MFSD1: variants seen among roughly 807,000 people sequenced by gnomAD.
MFSD1 encodes the protein lysosomal dipeptide transporter MFSD1.
Under a neutral mutation model 67.1 loss-of-function variants are expected in MFSD1, and 59 were observed. That is an observed-to-expected ratio of 0.88 (90% CI 0.71 to 1.09). The LOEUF (loss-of-function observed/expected upper bound fraction) is 1.09. MFSD1 is among the 50% of genes least tolerant of loss of function. The pLI is 0.00. For synonymous variants in MFSD1, 213 were observed against 200.3 expected, an observed-to-expected ratio of 1.06 and a Z score of -0.54; for missense variants, 552 against 566.1, an observed-to-expected ratio of 0.97 and a Z score of 0.25.
intron 3 of MFSD1, among the ~76,000 whole-genome samples, chr3:158,805,971 A>G (rs1340680604): frequency 6.6e-6 from 1 of 152,142 alleles, no homozygotes; most frequent in African/African-American, 2.4e-5. Context: ...TGGGGTGTAA[A>G]ACATTTTGTG....
At chr3:158,804,464 G>T in intron 2 of MFSD1, 93 bp downstream of exon 2, 1 of 920,216 alleles carries the variant, frequency 1.1e-6, no homozygotes, top group Non-Finnish European at 1.7e-6. Context: ...CTAGTCTCAC[G>T]TGTCCGCTGA....
At chr3:158,809,438 C>T in intron 6 of MFSD1, 151 bp downstream of exon 6, 1 of 529,560 alleles carries the variant, frequency 1.9e-6, no homozygotes, top group Non-Finnish European at 3.3e-6. Context: ...ATGGCATTTA[C>T]CTTGAGTAAA....
chr3:158,819,657 A>C lies in MFSD1; in HGVS notation c.661A>C (p.Thr221Pro). 6.5e-7 allele frequency: 1 copy of C among 1,538,736 alleles called. No individual in the cohort carries two copies. Among genetic ancestry groups the C allele is most frequent in the South Asian group, 1.2e-5 (1 of 86,024 alleles). Residue 221 changes from threonine (T) to proline (P), a missense_variant, in exon 8 of 16, where the codon ACG becomes CCG. Physicochemically the swap from Thr to Pro is conservative, Grantham distance 38. Coordinates refer to ENST00000415822, the MANE Select transcript of MFSD1 (RefSeq NM_022736.4). The part of the protein sequence containing the change: ...LGITLMIGGI[T>P]CILSLICALA... ...TTTTTTTTTTTATTTAGGGGGTATA[A>C]CGTGTATTCTTTCACTAATCTGTGC...
At chr3:158,827,976 G>GAGAGAGAGAGACAGAGAC (rs1553759912) in intron 15 of MFSD1, among the ~76,000 whole-genome samples, 1 of 78,874 alleles carries the variant, frequency 1.3e-5, no homozygotes, top group African/African-American at 4.9e-5. Flanking sequence ...GAGAGAGAGA[G>GAGAGAGAGAGACAGAGAC]AGACAGAGAT....
chr3:158,820,577 C>T (rs572383011), intron 9 of MFSD1, among the ~76,000 whole-genome samples: 4 of 152,236 alleles, frequency 2.6e-5, no homozygotes, highest in Admixed American at 6.5e-5. Context: ...AAAACTGCCC[C>T]AGATAGGGTA....
chr3:158,827,915 G>GGGGAGAGAGAGAGAGAGAGAGA (rs1731075460), intron 15 of MFSD1, among the ~76,000 whole-genome samples: 1 of 82,404 alleles, frequency 1.2e-5, no homozygotes, highest in Admixed American at 1.1e-4. Flanking sequence ...AGAGAGAGGG[G>GGGGAGAGAGAGAGAGAGAGAGA]GAGAGAGAGA....
chr3:158,809,881 C>T (rs1216756635), intron 6 of MFSD1, among the ~76,000 whole-genome samples: 1 of 152,196 alleles, frequency 6.6e-6, no homozygotes, highest in Non-Finnish European at 1.5e-5. Flanking sequence ...TGACATGGAT[C>T]TCAGCTCCCT....
At chr3:158,802,529 C>T (rs1213124904) in intron 1 of MFSD1, 7 of 722,236 alleles carry the variant, frequency 9.7e-6, no homozygotes, top group Non-Finnish European at 1.7e-5. Context: ...GGTCGAGGGA[C>T]TGAGCTGGGC....
At chr3:158,820,585 G>A (rs936392647) in intron 9 of MFSD1, among the ~76,000 whole-genome samples, 5 of 152,140 alleles carry the variant, frequency 3.3e-5, no homozygotes, top group Admixed American at 2.6e-4. Context: ...CCCAGATAGG[G>A]TAATTTATAA....
intron 7 of MFSD1, among the ~76,000 whole-genome samples, chr3:158,818,901 A>C (rs1482088897): frequency 1.3e-5 from 2 of 152,204 alleles, no homozygotes; most frequent in East Asian, 3.8e-4. Context: ...GGGGAAATTG[A>C]ATCCAAGAGA....
chr3:158,819,570 TA>T (rs1403556298), intron 7 of MFSD1, 78 bp from the exon 8 acceptor site: 6 of 730,862 alleles, frequency 8.2e-6, no homozygotes, highest in African/African-American at 1.8e-5. Context: ...GCTGTTTATG[TA>T]ATGTACTTCT....
chr3:158,827,629 T>A (rs143248411), intron 15 of MFSD1, among the ~76,000 whole-genome samples: 2 of 152,130 alleles, frequency 1.3e-5, no homozygotes, highest in Non-Finnish European at 2.9e-5. Flanking sequence ...TTGCCCAGGC[T>A]GGTCTAGAAC....
chr3:158,807,175 C>T, intron 4 of MFSD1, 93 bp downstream of exon 4: 1 of 1,215,212 alleles, frequency 8.2e-7, no homozygotes, highest in Non-Finnish European at 1.2e-6. Context: ...TTAATTAATG[C>T]CTAGCTTAAT....
intron 6 of MFSD1, among the ~76,000 whole-genome samples, chr3:158,810,424 CAT>C (rs1729945765): frequency 6.6e-6 from 1 of 152,150 alleles, no homozygotes; most frequent in Non-Finnish European, 1.5e-5. Flanking sequence ...GAAAATACAA[CAT>C]AGTCTCAGAG....
intron 12 of MFSD1, among the ~76,000 whole-genome samples, chr3:158,823,835 A>T (rs562313419): frequency 2.0e-5 from 3 of 152,292 alleles, no homozygotes; most frequent in African/African-American, 7.2e-5. Flanking sequence ...AGAGGGGGGA[A>T]ACCGCACCTG....
chr3:158,819,596 T>C lies in MFSD1; in HGVS notation c.653-53T>C, dbSNP rs956619206. The C allele has an allele frequency of 3.8e-6, 4 of 1,045,196 alleles. No homozygotes were observed. The African/African-American group carries it at 5.0e-5, about 13-fold the overall frequency. The allele number at this position is 1,045,196 out of a possible 1,614,324, so 64.7% of individuals were successfully genotyped here. A position where few individuals can be genotyped will look rare whatever the true frequency, so the allele number is the denominator to read the frequency against. On this transcript the variant is annotated intron_variant, in intron 7 of 15. Transcript: ENST00000415822. Reference sequence around the variant, plus strand: ...AATGTACTTCTCCTTAGGAACCTTCTGTTTGGTTCTCTTTTCAAAGTCTGT... The same window carrying C: ...AATGTACTTCTCCTTAGGAACCTTCCGTTTGGTTCTCTTTTCAAAGTCTGT...
intron 15 of MFSD1, 138 bp downstream of exon 15, chr3:158,827,475 C>A (rs1731041639): frequency 4.0e-6 from 2 of 499,196 alleles, no homozygotes; most frequent in African/African-American, 4.2e-5. Flanking sequence ...AGTGTAGTGG[C>A]ATGGTCACAG....
At chr3:158,822,439 T>C in intron 11 of MFSD1, 1 of 182,800 alleles carries the variant, frequency 5.5e-6, no homozygotes, top group Non-Finnish European at 1.1e-5. Context: ...CATTTGTTTT[T>C]CTAAAATAGG....
At chr3:158,817,289 G>C (rs1730416897) in intron 7 of MFSD1, among the ~76,000 whole-genome samples, 2 of 152,104 alleles carry the variant, frequency 1.3e-5, no homozygotes, top group South Asian at 4.2e-4. Flanking sequence ...TATTCAATTA[G>C]GAAAAGAGGA....
Sources: allele counts gnomAD v4.1 joint callset (sites outside exome capture counted in the v4.1 genomes callset), GRCh38; gene constraint gnomAD v4.1.1; transcripts MANE v1.5; gene names NCBI Gene and HGNC (gene_info 2026-07-23, HGNC 2026-07-21).